GRID1: variants seen among roughly 807,000 people sequenced by gnomAD.
The protein encoded by GRID1 is glutamate ionotropic receptor delta type subunit 1.
GRID1 carries 28 observed loss-of-function variants against 98.0 expected under a neutral mutation model. The observed-to-expected ratio is 0.29, with a 90% CI of 0.21 to 0.39. The LOEUF is 0.39. Ranked by LOEUF, GRID1 falls within the 10% of genes least tolerant of loss-of-function variation. The probability of loss-of-function intolerance (pLI) is 1.00; values close to 1 mark genes in which losing one functional copy is unlikely to be tolerated. For missense variants in GRID1, 1,111 were observed against 1,340.5 expected, an observed-to-expected ratio of 0.83 and a Z score of 2.67; for synonymous variants, 553 against 538.5, an observed-to-expected ratio of 1.03 and a Z score of -0.37.
At chr10:85,758,186 T>C (rs1191284921) in intron 8 of GRID1, among the ~76,000 whole-genome samples, 6 of 152,236 alleles carry the variant, frequency 3.9e-5, no homozygotes. Flanking sequence ...ATCTGTAAAG[T>C]GAAATCTATA....
chr10:86,346,222 C>T (rs760487090), intron 2 of GRID1, among the ~76,000 whole-genome samples: 6 of 152,268 alleles, frequency 3.9e-5, no homozygotes, highest in South Asian at 2.1e-4. Context: ...CTGGAAACAC[C>T]GTCTCCGCCC....
At chr10:86,020,278 G>A (rs1843032409) in intron 4 of GRID1, among the ~76,000 whole-genome samples, 1 of 152,230 alleles carries the variant, frequency 6.6e-6, no homozygotes, top group Non-Finnish European at 1.5e-5. Context: ...GCAGGAGCAA[G>A]GATGGAGCCT....
chr10:85,705,454 A>G (rs1841504719), intron 12 of GRID1, among the ~76,000 whole-genome samples: 1 of 152,186 alleles, frequency 6.6e-6, no homozygotes, highest in South Asian at 2.1e-4. Flanking sequence ...TCTGAAATTG[A>G]GGCAATAATT....
intron 3 of GRID1, among the ~76,000 whole-genome samples, chr10:86,167,105 G>A (rs543490792): frequency 3.3e-5 from 5 of 152,168 alleles, no homozygotes; most frequent in Non-Finnish European, 5.9e-5. Context: ...CATCTTCCCC[G>A]CAAACCCCAG....
chr10:85,988,055 A>G (rs764142041), intron 4 of GRID1, among the ~76,000 whole-genome samples: 20 of 152,170 alleles, frequency 1.3e-4, no homozygotes, highest in Non-Finnish European at 1.8e-4. Context: ...ATAGAAATGA[A>G]TATCTGGCAT....
intron 12 of GRID1, among the ~76,000 whole-genome samples, chr10:85,715,230 T>C (rs1841625323): frequency 6.6e-6 from 1 of 151,918 alleles, no homozygotes; most frequent in South Asian, 2.1e-4. Flanking sequence ...TACACAAAAA[T>C]CAACTCAAAA....
chr10:86,324,691 A>G (rs1327102765), intron 2 of GRID1, among the ~76,000 whole-genome samples: 1 of 152,200 alleles, frequency 6.6e-6, no homozygotes, highest in Admixed American at 6.5e-5. Context: ...CAAACAAGAA[A>G]CACAAAATAA....
chr10:85,995,468 G>C (rs1287012616), intron 4 of GRID1, among the ~76,000 whole-genome samples: 1 of 152,222 alleles, frequency 6.6e-6, no homozygotes, highest in Non-Finnish European at 1.5e-5. Context: ...ATGTTCCCCA[G>C]TTGACTAGGT....
intron 2 of GRID1, among the ~76,000 whole-genome samples, chr10:86,228,070 G>C (rs748932900): frequency 4.6e-5 from 7 of 151,836 alleles, no homozygotes; most frequent in Non-Finnish European, 7.4e-5. Context: ...ATGGGGGACC[G>C]GGTTGGGGTG....
chr10:85,899,933 C>T (rs979968786), intron 5 of GRID1, among the ~76,000 whole-genome samples: 6 of 152,214 alleles, frequency 3.9e-5, no homozygotes, highest in Non-Finnish European at 5.9e-5. Flanking sequence ...TCCTCACTTT[C>T]CTTTCCAAAA....
At chr10:85,926,393 G>A (rs2131829946) in intron 4 of GRID1, among the ~76,000 whole-genome samples, 1 of 152,226 alleles carries the variant, frequency 6.6e-6, no homozygotes, top group South Asian at 2.1e-4. Context: ...TGGGGAGAAG[G>A]AAACTATTTT....
At chr10:85,939,551 C>G (rs1331744671) in intron 4 of GRID1, among the ~76,000 whole-genome samples, 1 of 152,124 alleles carries the variant, frequency 6.6e-6, no homozygotes, top group Non-Finnish European at 1.5e-5. Flanking sequence ...TCACAATCAG[C>G]AGCAACACGT....
At chr10:86,301,849 C>T (rs1847692360) in intron 2 of GRID1, among the ~76,000 whole-genome samples, 2 of 152,236 alleles carry the variant, frequency 1.3e-5, no homozygotes, top group South Asian at 2.1e-4. Context: ...TCACAGCCCT[C>T]GGATAACAGC....
chr10:86,021,368 G>A (rs1005485244), intron 4 of GRID1, among the ~76,000 whole-genome samples: 8 of 152,182 alleles, frequency 5.3e-5, no homozygotes, highest in East Asian at 1.9e-4. Context: ...AGCAGACACC[G>A]CCCCTGATGA....
chr10:86,071,093 T>C (rs1843797700), intron 4 of GRID1, among the ~76,000 whole-genome samples: 1 of 152,244 alleles, frequency 6.6e-6, no homozygotes, highest in Non-Finnish European at 1.5e-5. Flanking sequence ...TGAATGTTTT[T>C]CATTGCTTTG....
intron 6 of GRID1, among the ~76,000 whole-genome samples, chr10:85,867,897 T>G (rs1355945525): frequency 6.6e-6 from 1 of 152,228 alleles, no homozygotes; most frequent in Non-Finnish European, 1.5e-5. Flanking sequence ...ATGTTTCCTT[T>G]TTCTCTCCAC....
intron 2 of GRID1, among the ~76,000 whole-genome samples, chr10:86,230,549 G>A (rs1459953723): frequency 1.3e-5 from 2 of 152,190 alleles, no homozygotes; most frequent in African/African-American, 4.8e-5. Context: ...GCTGAGCATT[G>A]AGCCTGGAGC....
intron 2 of GRID1, among the ~76,000 whole-genome samples, chr10:86,327,564 A>G (rs1408552974): frequency 6.6e-6 from 1 of 152,264 alleles, no homozygotes; most frequent in East Asian, 1.9e-4. Flanking sequence ...TTACTGGAGA[A>G]GAATGCCATT....
chr10:86,327,517 C>T (rs762770070), intron 2 of GRID1, among the ~76,000 whole-genome samples: 9 of 152,122 alleles, frequency 5.9e-5, no homozygotes, highest in East Asian at 3.8e-4. Context: ...ACTGCTCTTT[C>T]GGAAGTTTTA....
Sources: gnomAD v4.1 joint callset for allele counts (sites outside exome capture counted in the v4.1 genomes callset) on GRCh38, gnomAD v4.1.1 for gene constraint, MANE v1.5 for transcripts, NCBI Gene and HGNC (gene_info 2026-07-23, HGNC 2026-07-21) for gene names.